The following PSD3 variants were observed in gnomAD, a reference collection of about 807,000 sequenced individuals.
The protein encoded by PSD3 is PH and SEC7 domain-containing protein 3.
PSD3 carries 49 observed loss-of-function variants against 105.5 expected under a neutral mutation model. The ratio of observed to expected loss-of-function variants is 0.46; its 90% confidence interval spans 0.37 to 0.59. The LOEUF is 0.59. PSD3 is among the 20% of genes least tolerant of loss of function. PSD3 has a pLI of 0.00. For missense variants in PSD3, 1,561 were observed against 1,263.8 expected, an observed-to-expected ratio of 1.24 and a Z score of -3.57; for synonymous variants, 557 against 457.8, an observed-to-expected ratio of 1.22 and a Z score of -2.77.
chr8:18,580,436 A>C (rs1802739011), intron 12 of PSD3, among the ~76,000 whole-genome samples: 1 of 152,124 alleles, frequency 6.6e-6, no homozygotes. Context: ...AAAAAGTTTA[A>C]TTCCAATTAA....
chr8:18,714,039 C>T (rs1360256000), intron 9 of PSD3, among the ~76,000 whole-genome samples: 1 of 152,050 alleles, frequency 6.6e-6, no homozygotes, highest in African/African-American at 2.4e-5. Context: ...GAAATGATTC[C>T]CTATTTAATA....
At chr8:18,628,056 G>C (rs1037369985) in intron 11 of PSD3, among the ~76,000 whole-genome samples, 1 of 151,638 alleles carries the variant, frequency 6.6e-6, no homozygotes, top group Admixed American at 6.6e-5. Context: ...AGTAAATGAA[G>C]AATAAAAACT....
intron 1 of PSD3, among the ~76,000 whole-genome samples, chr8:18,981,483 C>G (rs1310549733): frequency 6.6e-6 from 1 of 152,148 alleles, no homozygotes; most frequent in Non-Finnish European, 1.5e-5. Flanking sequence ...AACCATAAAA[C>G]AAACTCATCA....
At chr8:18,539,549 T>C (rs1800035549) in intron 15 of PSD3, among the ~76,000 whole-genome samples, 1 of 113,000 alleles carries the variant, frequency 8.8e-6, no homozygotes, top group African/African-American at 4.8e-5. Flanking sequence ...GTAAATTACT[T>C]TTTTTTTTTT....
intron 2 of PSD3, among the ~76,000 whole-genome samples, chr8:18,884,979 T>A (rs1472299045): frequency 6.6e-6 from 1 of 152,238 alleles, no homozygotes; most frequent in Non-Finnish European, 1.5e-5. Flanking sequence ...CACTGTTACC[T>A]GTTACAGAGA....
At chr8:18,798,443 TC>T (rs1270756794) in intron 8 of PSD3, among the ~76,000 whole-genome samples, 1 of 152,150 alleles carries the variant, frequency 6.6e-6, no homozygotes, top group Non-Finnish European at 1.5e-5. Context: ...AACTTAATGG[TC>T]CCATAGAGCT....
In PSD3 at chr8:18,641,117, T is replaced by C. The variant is rs73585888; in HGVS notation, c.2217-8311A>G. On this transcript the variant is annotated intron_variant, in intron 10 of 15. Coordinates refer to ENST00000327040, the MANE Select transcript of PSD3 (RefSeq NM_015310.4). Reference sequence around the variant, plus strand: ...TCTCTGCTCTGTGTATACACTCCTCTAGCCAGAACATTACAGAAGGGTAGG... The same window carrying C: ...TCTCTGCTCTGTGTATACACTCCTCCAGCCAGAACATTACAGAAGGGTAGG... Among the ~76,000 whole-genome samples, 980 of 152,310 alleles carry C rather than the reference T, an allele frequency of 6.4e-3. 12 individuals carry two copies. The highest frequency in any genetic ancestry group is 0.023 in the African/African-American group (939 of 41,566).
At chr8:18,766,134 G>A (rs539030034) in intron 8 of PSD3, among the ~76,000 whole-genome samples, 3 of 152,074 alleles carry the variant, frequency 2.0e-5, no homozygotes, top group Non-Finnish European at 1.5e-5. Context: ...AAGAGTTTGA[G>A]ACCAGCCTGG....
intron 8 of PSD3, chr8:18,774,678 G>A (rs1328936226): frequency 8.3e-6 from 3 of 359,476 alleles, no homozygotes; most frequent in Non-Finnish European, 1.1e-5. Flanking sequence ...CCACAGATCT[G>A]GGGGCTAGTA....
At chr8:18,752,501 A>ATAAT (rs1554489399) in intron 9 of PSD3, among the ~76,000 whole-genome samples, 5 of 88,640 alleles carry the variant, frequency 5.6e-5, no homozygotes, top group African/African-American at 2.9e-4. Context: ...TAATATATAT[A>ATAAT]ATATATATAA....
At chr8:18,605,959 G>C (rs1419184385) in intron 11 of PSD3, among the ~76,000 whole-genome samples, 4 of 152,102 alleles carry the variant, frequency 2.6e-5, no homozygotes, top group African/African-American at 9.7e-5. Context: ...TATAGCCTGT[G>C]GATCTGTGAG....
intron 1 of PSD3, among the ~76,000 whole-genome samples, chr8:19,078,161 G>T (rs116650578): frequency 1.3e-5 from 2 of 151,962 alleles, no homozygotes; most frequent in Non-Finnish European, 2.9e-5. Flanking sequence ...CTCCCAAAGC[G>T]CTGGGATTAC....
chr8:19,056,580 A>T lies in PSD3; in HGVS notation c.324+27626T>A, dbSNP rs145223255. On this transcript the variant is annotated intron_variant, in intron 1 of 1. Coordinates refer to the PSD3 transcript ENST00000521475. ...TTCCAAATTTCAACAGGCAGCAAAC[A>T]TTCCATTAAGGCTCCAAACTACATA... Among the ~76,000 whole-genome samples, 36 of 152,328 alleles carry T rather than the reference A, an allele frequency of 2.4e-4. No individual in the cohort carries two copies. The East Asian group carries it at 6.9e-3, about 29-fold the overall frequency.
At chr8:18,695,466 G>A (rs1274677448) in intron 9 of PSD3, among the ~76,000 whole-genome samples, 1 of 152,224 alleles carries the variant, frequency 6.6e-6, no homozygotes, top group Admixed American at 6.5e-5. Context: ...GAAGACCCCT[G>A]AAGGATTCCA....
chr8:18,972,882 TG>T (rs1430391730), intron 1 of PSD3, among the ~76,000 whole-genome samples: 2 of 152,342 alleles, frequency 1.3e-5, no homozygotes, highest in East Asian at 3.9e-4. Flanking sequence ...AAAGCATCAC[TG>T]GGCAAGTAGG....
At chr8:18,771,278 G>A (rs912703926) in intron 8 of PSD3, among the ~76,000 whole-genome samples, 6 of 151,752 alleles carry the variant, frequency 4.0e-5, no homozygotes, top group African/African-American at 1.5e-4. Flanking sequence ...TGAGGGTGCA[G>A]CCCTCACTGG....
At chr8:18,631,634 T>C in intron 11 of PSD3, among the ~76,000 whole-genome samples, 1 of 151,942 alleles carries the variant, frequency 6.6e-6, no homozygotes, top group East Asian at 1.9e-4. Flanking sequence ...GAGTGAGTTC[T>C]GATACAATGT....
chr8:19,007,894 G>A (rs1416769703), intron 1 of PSD3, among the ~76,000 whole-genome samples: 1 of 152,066 alleles, frequency 6.6e-6, no homozygotes, highest in Non-Finnish European at 1.5e-5. Flanking sequence ...CCTGGCTGGA[G>A]TGCAATGGCA....
chr8:18,823,780 T>TCACACACA (rs3042864), intron 4 of PSD3, among the ~76,000 whole-genome samples: 1 of 66,100 alleles, frequency 1.5e-5, no homozygotes. Flanking sequence ...TTAAACACAC[T>TCACACACA]CACACACACA....
Sources: allele counts gnomAD v4.1 joint callset (sites outside exome capture counted in the v4.1 genomes callset), GRCh38; gene constraint gnomAD v4.1.1; transcripts MANE v1.5; gene names NCBI Gene and HGNC (gene_info 2026-07-23, HGNC 2026-07-21).